The following ATP2B2 variants were observed in gnomAD, a reference collection of about 807,000 sequenced individuals.
The protein encoded by ATP2B2 is ATPase plasma membrane Ca2+ transporting 2.
A neutral mutation model predicts 120.0 loss-of-function variants in ATP2B2; 15 were observed. The ratio of observed to expected loss-of-function variants is 0.12; its 90% CI spans 0.08 to 0.19. ATP2B2 has a LOEUF of 0.19. Among genes scored for constraint, ATP2B2 ranks in the 10% least tolerant of loss-of-function variants. The probability of loss-of-function intolerance (pLI) is 1.00; values close to 1 mark genes in which losing one functional copy is unlikely to be tolerated. For missense variants in ATP2B2, 1,045 were observed against 1,719.8 expected (o/e 0.61, Z 6.94); for synonymous variants, 694 against 700.3 (o/e 0.99, Z 0.14).
intron 2 of ATP2B2, among the ~76,000 whole-genome samples, chr3:10,438,656 C>G (rs779807234): frequency 4.6e-5 from 7 of 152,172 alleles, no homozygotes; most frequent in Admixed American, 4.6e-4. Context: ...GTAAGATAAT[C>G]GTTGTGGGGT....
intron 1 of ATP2B2, among the ~76,000 whole-genome samples, chr3:10,472,080 CAAAAAA>C (rs55895159): frequency 3.4e-4 from 32 of 93,740 alleles, no homozygotes; most frequent in Middle Eastern, 5.6e-3. Flanking sequence ...GACTCCGTCT[CAAAAAA>C]AAAAAAAAAA....
intron 2 of ATP2B2, among the ~76,000 whole-genome samples, chr3:10,617,384 C>T (rs924556521): frequency 2.0e-5 from 3 of 152,142 alleles, no homozygotes; most frequent in African/African-American, 7.2e-5. Flanking sequence ...CAAAATAAAA[C>T]CCAATCTACC....
rs143842372 is a variant in ATP2B2, at chr3:10,377,923, T to C, written c.1201+329A>G. Among the ~76,000 whole-genome samples, 175 of 152,320 alleles carry C rather than the reference T, an allele frequency of 1.1e-3. 6 individuals carry two copies. The South Asian group carries it at 0.027, about 24-fold the overall frequency. ...GTCTGTGAAGTGGGGACAACTATTATCCTCATTTTACAGATGAGGATACAG... is the reference window on the plus strand; with the variant it reads ...GTCTGTGAAGTGGGGACAACTATTACCCTCATTTTACAGATGAGGATACAG... On this transcript the variant is annotated intron_variant, in intron 10 of 22. Transcript: ENST00000360273.
Position 10,342,873 on chromosome 3 carries a change from C to A in ATP2B2, c.2796G>T (p.Glu932Asp), listed in dbSNP as rs1384784896. The change falls in exon 19 of 23, where the codon GAG (glutamate) becomes GAT (aspartate). Residue 932 changes from glutamate (E) to aspartate (D), a missense_variant. Physicochemically the swap from Glu to Asp is conservative, Grantham distance 45. Around this residue, in one of 11 missense-constraint regions of ATP2B2, gnomAD observed 98 missense variants for 266.7 expected, o/e 0.37. Coordinates refer to ENST00000360273, the MANE Select transcript of ATP2B2 (RefSeq NM_001001331.4). The surrounding 1 kb of genome is among the most constrained non-coding windows in gnomAD (Gnocchi z 4.4). ...SLALATEPPT[E>D]TLLLRKPYGR... is the part of the protein sequence containing the mutation. ...CGTACGGCTTCCTCAGCAGCAGGGT[C>A]TCCGTGGGCGGCTCAGTGGCCAGTG... 1 of 1,614,036 alleles carries A rather than the reference C, an allele frequency of 6.2e-7. No homozygotes were observed. The highest frequency in any genetic ancestry group is 8.5e-7 in the Non-Finnish European group (1 of 1,180,028).
chr3:10,534,914 T>C (rs1286691327), intron 2 of ATP2B2, among the ~76,000 whole-genome samples: 1 of 141,948 alleles, frequency 7.0e-6, no homozygotes, highest in Non-Finnish European at 1.5e-5. Context: ...TTTTTTTTTT[T>C]TTTTTTTGAG....
chr3:10,525,335 T>G (rs1403066033), intron 3 of ATP2B2, among the ~76,000 whole-genome samples: 1 of 152,250 alleles, frequency 6.6e-6, no homozygotes, highest in Non-Finnish European at 1.5e-5. Flanking sequence ...GGCCTCAGTT[T>G]CCTTATCTGT....
intron 2 of ATP2B2, among the ~76,000 whole-genome samples, chr3:10,439,546 G>A (rs1471545635): frequency 6.6e-6 from 1 of 152,222 alleles, no homozygotes; most frequent in Non-Finnish European, 1.5e-5. Context: ...GCCAGACAGT[G>A]TCTGCTCCAT....
chr3:10,423,342 C>T (rs965024303), intron 2 of ATP2B2, among the ~76,000 whole-genome samples: 23 of 152,206 alleles, frequency 1.5e-4, no homozygotes, highest in Admixed American at 5.9e-4. Context: ...GGCCCAGAGA[C>T]GCGGAAGCGA....
chr3:10,688,830 T>G (rs2071588310), intron 1 of ATP2B2, among the ~76,000 whole-genome samples: 1 of 152,168 alleles, frequency 6.6e-6, no homozygotes. Flanking sequence ...GGAAATGCAG[T>G]GAAGACATCT....
chr3:10,570,297 C>A (rs142637519), intron 2 of ATP2B2: 1 of 152,228 alleles, frequency 6.6e-6, no homozygotes, highest in Admixed American at 6.5e-5. Flanking sequence ...TACAAGCTGA[C>A]ATTTTATGAT....
rs767915300 is a variant in ATP2B2 at position 10,402,050 on chromosome 3, A to AATCCAG, written c.655+35_655+40dup. On this transcript the variant is annotated intron_variant, in intron 4 of 22. Transcript: ENST00000360273. The surrounding 1 kb of genome is among the most constrained non-coding windows in gnomAD (Gnocchi z 4.9). Reference sequence around the variant, plus strand: ...GCCTGGCCTGTCCCACCTCTGCCGGAATCCAGCTTTAGAACCTGGCTCTGT... The same window carrying AATCCAG: ...GCCTGGCCTGTCCCACCTCTGCCGGAATCCAGATCCAGCTTTAGAACCTGGCTCTGT... 3.1e-6 allele frequency: 5 copies of AATCCAG among 1,609,858 alleles called. No homozygotes were observed. In the Admixed American group the frequency reaches 8.3e-5, roughly 27 times the overall value.
chr3:10,327,047 T>G lies in ATP2B2; in HGVS notation c.*1767A>C. On this transcript the variant is annotated 3_prime_UTR_variant, in exon 23 of 23. Coordinates refer to ENST00000360273, the MANE Select transcript of ATP2B2 (RefSeq NM_001001331.4). ...ATGGTATTCAAAATGTCTTTTGCAC[T>G]GTACAAGTTTATGGAAAAAAGATCA... 2 of 395,386 alleles carry G rather than the reference T, an allele frequency of 5.1e-6. No individual in the cohort carries two copies. Among genetic ancestry groups the G allele is most frequent in the Non-Finnish European group, 8.9e-6 (2 of 224,344 alleles). 24.5% of individuals were successfully genotyped at this position (395,386 alleles called of 1,614,324 possible).
intron 1 of ATP2B2, among the ~76,000 whole-genome samples, chr3:10,482,177 G>A (rs866056246): frequency 2.0e-5 from 3 of 152,336 alleles, no homozygotes; most frequent in Middle Eastern, 3.4e-3. Flanking sequence ...CAGGCCCTGG[G>A]CTGCATTTAC....
At chr3:10,675,258 G>T (rs2071211843) in intron 1 of ATP2B2, among the ~76,000 whole-genome samples, 1 of 152,176 alleles carries the variant, frequency 6.6e-6, no homozygotes, top group Non-Finnish European at 1.5e-5. Flanking sequence ...CGCCCACTTT[G>T]TGCCTCTGCT....
intron 2 of ATP2B2, among the ~76,000 whole-genome samples, chr3:10,618,808 C>T (rs2069467327): frequency 6.6e-6 from 1 of 151,944 alleles, no homozygotes; most frequent in Non-Finnish European, 1.5e-5. Context: ...ACTTAGAAAA[C>T]ACAGAAAACC....
chr3:10,694,802 C>T (rs1394063347), intron 1 of ATP2B2, among the ~76,000 whole-genome samples: 1 of 152,144 alleles, frequency 6.6e-6, no homozygotes, highest in East Asian at 1.9e-4. Context: ...GGATCTTGGG[C>T]ATTACAAAGA....
chr3:10,385,649 A>G (rs2061655382), intron 7 of ATP2B2, among the ~76,000 whole-genome samples: 3 of 152,170 alleles, frequency 2.0e-5, no homozygotes, highest in South Asian at 4.1e-4. Flanking sequence ...AGTCCCCTGG[A>G]AGAGAGGGCT....
chr3:10,384,120 C>G (rs1484118750), intron 8 of ATP2B2, among the ~76,000 whole-genome samples: 1 of 152,214 alleles, frequency 6.6e-6, no homozygotes, highest in Admixed American at 6.5e-5. Context: ...CGCAGAAGTG[C>G]CTTACTCAGC....
At chr3:10,666,963 A>T (rs1340696749) in intron 1 of ATP2B2, among the ~76,000 whole-genome samples, 2 of 152,190 alleles carry the variant, frequency 1.3e-5, no homozygotes, top group Non-Finnish European at 2.9e-5. Flanking sequence ...GTTACCAGGC[A>T]ACCAGGACTA....
Sources: gnomAD v4.1 joint callset for allele counts (sites outside exome capture counted in the v4.1 genomes callset) on GRCh38, gnomAD v4.1.1 for gene constraint, gnomAD v4.1.1 regional missense constraint, Gnocchi (gnomAD v3.1) non-coding constraint, MANE v1.5 for transcripts, NCBI Gene and HGNC (gene_info 2026-07-23, HGNC 2026-07-21) for gene names.